Variants in MON1A observed in about 807,000 individuals in gnomAD.
MON1A encodes MON1 vesicular trafficking associated A, also known as vacuolar fusion protein MON1 homolog A.
MON1A carries 29 observed loss-of-function variants against 44.6 expected under a neutral mutation model. The ratio of observed to expected loss-of-function variants is 0.65; its 90% CI spans 0.48 to 0.89. The LOEUF (loss-of-function observed/expected upper bound fraction) is 0.89. Among genes scored for constraint, MON1A ranks in the 40% least tolerant of loss-of-function variants. The probability of loss-of-function intolerance (pLI) is 0.00; values close to 1 mark genes in which losing one functional copy is unlikely to be tolerated. For missense variants in MON1A, 615 were observed against 759.6 expected, an observed-to-expected ratio of 0.81 and a Z score of 2.24; for synonymous variants, 275 against 316.4, an observed-to-expected ratio of 0.87 and a Z score of 1.39.
rs2082853504 is a variant in MON1A at position 49,909,863 on chromosome 3, A to G, written c.1379+256T>C. ...TGCTCCAGGGCAAGGGACCCCGGAGACCTCTGTTCCAGTTTCCTTCTCTGG... is the reference window on the plus strand; with the variant it reads ...TGCTCCAGGGCAAGGGACCCCGGAGGCCTCTGTTCCAGTTTCCTTCTCTGG... On this transcript the variant is annotated intron_variant, in intron 4 of 5. Transcript: ENST00000296473. This position sits in a 1 kb window ranked among gnomAD's most constrained non-coding sequence, Gnocchi z 4.0. 5 of 443,988 alleles carry G rather than the reference A, an allele frequency of 1.1e-5. No homozygotes were observed. Among genetic ancestry groups the G allele is most frequent in the Non-Finnish European group, 2.0e-5 (5 of 252,274 alleles). The allele number at this position is 443,988 out of a possible 1,614,324, so 27.5% of individuals were successfully genotyped here.
At chr3:49,912,386 T>G (rs191534350) in intron 2 of MON1A, 6 of 195,170 alleles carry the variant, frequency 3.1e-5, no homozygotes, top group Non-Finnish European at 5.2e-5. Flanking sequence ...GTCAGCTGTC[T>G]CCTACCTCCC....
rs1270609479 is a variant in MON1A, at chr3:49,911,795, C to T, written c.344G>A (p.Gly115Glu). ...GGGTTCCAGCCAATCCTCAGAGCTT[C>T]CTGGCAGCATCTCCTCCTGCAGGTC... Reference protein sequence around the residue: ...ARDLQEEMLPGSSEDWLEPPG... With the variant: ...ARDLQEEMLPESSEDWLEPPG... The change falls in exon 3 of 6, where the codon GGA becomes GAA. Residue 115 changes from glycine to glutamate, a missense_variant. Coordinates refer to ENST00000296473, the MANE Select transcript of MON1A (RefSeq NM_032355.4). The surrounding 1 kb of genome is among the most constrained non-coding windows in gnomAD (Gnocchi z 5.7). 3 of 1,613,838 alleles carry T rather than the reference C, an allele frequency of 1.9e-6. No homozygotes were observed. Among genetic ancestry groups the T allele is most frequent in the Non-Finnish European group, 2.5e-6 (3 of 1,179,928 alleles).
intron 1 of MON1A, among the ~76,000 whole-genome samples, chr3:49,914,181 C>G (rs947418669): frequency 2.6e-5 from 4 of 151,494 alleles, no homozygotes; most frequent in African/African-American, 9.7e-5. Flanking sequence ...ACCTCCACCT[C>G]CCAGGTTCAA....
intron 1 of MON1A, among the ~76,000 whole-genome samples, chr3:49,914,763 G>C (rs1003213855): frequency 6.7e-6 from 1 of 149,246 alleles, no homozygotes; most frequent in Non-Finnish European, 1.5e-5. Context: ...GGCTAGGTTG[G>C]TCTTGAACTC....
At chr3:49,925,583 T>TA (rs936575763) in intron 1 of MON1A, among the ~76,000 whole-genome samples, 5 of 152,062 alleles carry the variant, frequency 3.3e-5, no homozygotes, top group African/African-American at 1.2e-4. Flanking sequence ...CTCTACAAAA[T>TA]AAAAAATCAG....
At chr3:49,916,215 G>C (rs1417866429) in intron 1 of MON1A, among the ~76,000 whole-genome samples, 7 of 152,194 alleles carry the variant, frequency 4.6e-5, no homozygotes, top group Non-Finnish European at 1.0e-4. Context: ...ATGGCATAAA[G>C]TAGGTGTTCA....
intron 1 of MON1A, among the ~76,000 whole-genome samples, chr3:49,914,078 T>TTTC (rs1209116849): frequency 6.6e-6 from 1 of 151,264 alleles, no homozygotes; most frequent in Non-Finnish European, 1.5e-5. Flanking sequence ...CTAATTTTCT[T>TTTC]TTCTTCTTCT....
intron 1 of MON1A, among the ~76,000 whole-genome samples, chr3:49,922,863 C>T (rs1247406858): frequency 6.6e-6 from 1 of 151,726 alleles, no homozygotes; most frequent in African/African-American, 2.4e-5. Flanking sequence ...AGGCGTGTGC[C>T]ACCACACAGG....
At chr3:49,918,154 T>C (rs2082963816) in intron 1 of MON1A, among the ~76,000 whole-genome samples, 1 of 151,878 alleles carries the variant, frequency 6.6e-6, no homozygotes, top group African/African-American at 2.4e-5. Context: ...CTGACTAACA[T>C]GGTGAAACCC....
intron 1 of MON1A, among the ~76,000 whole-genome samples, chr3:49,915,399 T>C (rs1396412289): frequency 6.6e-6 from 1 of 152,154 alleles, no homozygotes. Flanking sequence ...CATGGTGGCA[T>C]GTGCCTGTAA....
In MON1A at chr3:49,910,459, G is replaced by A; in HGVS notation, c.1039C>T (p.Leu347=). The A allele has an allele frequency of 6.2e-7, 1 of 1,614,230 alleles. No individual in the cohort carries two copies. The highest frequency in any genetic ancestry group is 8.5e-7 in the Non-Finnish European group (1 of 1,180,034). Residue 347 remains leucine, a synonymous_variant, in exon 4 of 6, where the codon CTG becomes TTG. Coordinates refer to ENST00000296473, the MANE Select transcript of MON1A (RefSeq NM_032355.4). This position sits in a 1 kb window ranked among gnomAD's most constrained non-coding sequence, Gnocchi z 8.0. The part of the protein sequence containing the change: ...DQFLHPIDLH[L]LFNLISSSSS... ...GAGGAACTAATGAGGTTGAAGAGCAGGTGCAGGTCGATGGGGTGCAGAAAT... is the reference window on the plus strand; with the variant it reads ...GAGGAACTAATGAGGTTGAAGAGCAAGTGCAGGTCGATGGGGTGCAGAAAT...
intron 1 of MON1A, among the ~76,000 whole-genome samples, chr3:49,926,903 C>A (rs952092150): frequency 6.6e-6 from 1 of 151,874 alleles, no homozygotes; most frequent in Non-Finnish European, 1.5e-5. Flanking sequence ...CTCAGCCTCC[C>A]GAGTAGCTGG....
intron 1 of MON1A, among the ~76,000 whole-genome samples, chr3:49,928,212 C>A (rs1178026670): frequency 2.0e-5 from 3 of 152,156 alleles, no homozygotes; most frequent in Non-Finnish European, 4.4e-5. Flanking sequence ...CTCAGCATCT[C>A]CTAGGTCAGT....
rs1559492025 is a variant in MON1A, at chr3:49,911,245, G to GATACAT, written c.613+280_613+281insATGTAT. Among the ~76,000 whole-genome samples, 119 of 78,286 alleles carry GATACAT rather than the reference G, an allele frequency of 1.5e-3. No homozygotes were observed. The highest frequency in any genetic ancestry group is 6.0e-3 in the African/African-American group (115 of 19,160). 51.4% of individuals were successfully genotyped at this position (78,286 alleles called of 152,430 possible). ...AGATAGATAGATAGATAGATAGATA[G>GATACAT]AGTTTGTTGTTGTTGTTGTTGTTGC... is the stretch of plus-strand genomic sequence containing the variant. On this transcript the variant is annotated intron_variant, in intron 3 of 5. Coordinates refer to ENST00000296473, the MANE Select transcript of MON1A (RefSeq NM_032355.4). The surrounding 1 kb of genome is among the most constrained non-coding windows in gnomAD (Gnocchi z 5.7).
At chr3:49,916,855 T>A (rs1002262318) in intron 1 of MON1A, 2 of 152,318 alleles carry the variant, frequency 1.3e-5, no homozygotes, top group African/African-American at 4.8e-5. Flanking sequence ...AGGCCCAGGA[T>A]GCTGAATGCC....
intron 1 of MON1A, among the ~76,000 whole-genome samples, chr3:49,923,395 GGGAAAGGAA>G (rs758832186): frequency 5.8e-4 from 87 of 149,580 alleles, no homozygotes; most frequent in Middle Eastern, 3.4e-3. Flanking sequence ...AGGGGAAGGA[GGGAAAGGAA>G]GGAAAGGAAG....
Position 49,911,596 on chromosome 3 carries a change from A to G in MON1A, c.543T>C (p.Thr181=). The G allele has an allele frequency of 1.9e-6, 3 of 1,614,122 alleles. No homozygotes were observed. Among genetic ancestry groups the G allele is most frequent in the Non-Finnish European group, 2.5e-6 (3 of 1,179,984 alleles). The change falls in exon 3 of 6, where the codon ACT becomes ACC. Residue 181 remains threonine (T), a synonymous_variant. Coordinates refer to ENST00000296473, the MANE Select transcript of MON1A (RefSeq NM_032355.4). This position sits in a 1 kb window ranked among gnomAD's most constrained non-coding sequence, Gnocchi z 5.7. ...ACACCAGGGCCACCATAACACCCATAGTGCTGGAAAGTGCCTCCTCAGACC... is the reference window on the plus strand; with the variant it reads ...ACACCAGGGCCACCATAACACCCATGGTGCTGGAAAGTGCCTCCTCAGACC... The part of the protein sequence containing the change: ...RYGSEEALSS[T]MGVMVALVSF...
At chr3:49,929,516 T>A in intron 1 of MON1A, 93 bp downstream of exon 1, 1 of 1,411,172 alleles carries the variant, frequency 7.1e-7, no homozygotes, top group Non-Finnish European at 9.8e-7. Context: ...CGTTGATGGC[T>A]GGAGGCCCCC....
chr3:49,910,236 C>T lies in MON1A; in HGVS notation c.1262G>A (p.Gly421Glu), dbSNP rs1281696972. ...RRFQERLRKRGAHLALREALR... is the reference protein window; with the variant it reads ...RRFQERLRKREAHLALREALR... ...TGCCTCTCGCAGGGCCAGGTGGGCT[C>T]CGCGCTTGCGAAGGCGCTCCTGGAA... Residue 421 changes from glycine (G) to glutamate (E), a missense_variant, in exon 4 of 6, where the codon GGA becomes GAA. Transcript: ENST00000296473. The surrounding 1 kb of genome is among the most constrained non-coding windows in gnomAD (Gnocchi z 8.0). 1 of 1,614,088 alleles carries T rather than the reference C, an allele frequency of 6.2e-7. No homozygotes were observed. Among genetic ancestry groups the T allele is most frequent in the Non-Finnish European group, 8.5e-7 (1 of 1,179,984 alleles).
Sources: gnomAD v4.1 joint callset for allele counts (sites outside exome capture counted in the v4.1 genomes callset) on GRCh38, gnomAD v4.1.1 for gene constraint, Gnocchi (gnomAD v3.1) non-coding constraint, MANE v1.5 for transcripts, NCBI Gene and HGNC (gene_info 2026-07-23, HGNC 2026-07-21) for gene names.